The following MAD1L1 variants were observed in gnomAD, a reference collection of about 807,000 sequenced individuals.
MAD1L1 encodes mitotic arrest deficient 1 like 1.
Under a neutral mutation model 96.9 loss-of-function variants are expected in MAD1L1, and 95 were observed. That is an observed-to-expected ratio of 0.98 (90% CI 0.83 to 1.16). The LOEUF is 1.16. Among genes scored for constraint, MAD1L1 ranks in the 50% most tolerant of loss-of-function variants. The pLI is 0.00. For missense variants in MAD1L1, 1,007 were observed against 954.4 expected (o/e 1.06, Z -0.73); for synonymous variants, 473 against 396.6 (o/e 1.19, Z -2.29).
intron 18 of MAD1L1, among the ~76,000 whole-genome samples, chr7:1,821,265 A>G (rs892702884): frequency 9.2e-5 from 14 of 152,270 alleles, no homozygotes; most frequent in African/African-American, 3.1e-4. Context: ...AAGATAAAAT[A>G]GCCTCGGTAG....
intron 10 of MAD1L1, among the ~76,000 whole-genome samples, chr7:2,168,262 G>A (rs1351087765): frequency 6.6e-6 from 1 of 152,000 alleles, no homozygotes; most frequent in East Asian, 1.9e-4. Flanking sequence ...TCCAACCTGG[G>A]TGACAGAGCG....
chr7:2,171,623 A>G (rs1056460683), intron 10 of MAD1L1, among the ~76,000 whole-genome samples: 3 of 152,036 alleles, frequency 2.0e-5, no homozygotes, highest in African/African-American at 7.3e-5. Flanking sequence ...CCACCAGGCA[A>G]AGGACAGCAG....
chr7:2,126,366 G>A (rs746658945), intron 11 of MAD1L1, among the ~76,000 whole-genome samples: 1 of 152,158 alleles, frequency 6.6e-6, no homozygotes, highest in Non-Finnish European at 1.5e-5. Context: ...CAGGCACTCG[G>A]GCATGCACAG....
chr7:2,147,590 G>A (rs560899682), intron 11 of MAD1L1, among the ~76,000 whole-genome samples: 1 of 152,294 alleles, frequency 6.6e-6, no homozygotes, highest in African/African-American at 2.4e-5. Flanking sequence ...ACAGGACGGA[G>A]CACCAAGCGC....
intron 18 of MAD1L1, among the ~76,000 whole-genome samples, chr7:1,872,284 A>G (rs1785151355): frequency 6.6e-6 from 1 of 152,130 alleles, no homozygotes; most frequent in African/African-American, 2.4e-5. Flanking sequence ...GGGCTGCCGC[A>G]CCGTTTCCCA....
chr7:2,007,330 C>T (rs945387054), intron 13 of MAD1L1, among the ~76,000 whole-genome samples: 12 of 152,232 alleles, frequency 7.9e-5, no homozygotes, highest in Admixed American at 2.6e-4. Flanking sequence ...TGCAGTAACG[C>T]GTCACTGGAC....
chr7:1,878,992 T>C (rs887091172), intron 18 of MAD1L1, among the ~76,000 whole-genome samples: 4 of 152,162 alleles, frequency 2.6e-5, no homozygotes, highest in Non-Finnish European at 4.4e-5. Flanking sequence ...AATGAAACAT[T>C]GGAAAATAAA....
At chr7:1,920,252 GTGTGCA>G (rs1273620956) in intron 17 of MAD1L1, among the ~76,000 whole-genome samples, 1 of 152,212 alleles carries the variant, frequency 6.6e-6, no homozygotes, top group African/African-American at 2.4e-5. Flanking sequence ...GCGTGCGTGC[GTGTGCA>G]TGTGCGTGTG....
intron 13 of MAD1L1, among the ~76,000 whole-genome samples, chr7:2,010,814 C>T (rs1390819704): frequency 3.3e-5 from 5 of 152,172 alleles, no homozygotes; most frequent in Non-Finnish European, 5.9e-5. Flanking sequence ...CCCCGAGAGG[C>T]GCCTTCCCCA....
intron 17 of MAD1L1, among the ~76,000 whole-genome samples, chr7:1,931,594 G>A (rs1053271280): frequency 2.0e-5 from 3 of 152,090 alleles, no homozygotes; most frequent in South Asian, 2.1e-4. Context: ...TTGAGCGCTC[G>A]GACGTCCTGC....
At chr7:2,050,332 G>A (rs892445370) in intron 12 of MAD1L1, among the ~76,000 whole-genome samples, 7 of 152,232 alleles carry the variant, frequency 4.6e-5, no homozygotes, top group East Asian at 1.9e-4. Context: ...AACCTCACGC[G>A]CCTGCTGGAA....
intron 16 of MAD1L1, among the ~76,000 whole-genome samples, chr7:1,956,030 C>T (rs1190864801): frequency 2.3e-4 from 35 of 152,010 alleles, no homozygotes; most frequent in Admixed American, 2.3e-3. Context: ...GACAAGCAGG[C>T]ATTGGTGATC....
At chr7:1,960,188 G>T (rs1179855993) in intron 15 of MAD1L1, among the ~76,000 whole-genome samples, 1 of 149,810 alleles carries the variant, frequency 6.7e-6, no homozygotes, top group East Asian at 1.9e-4. Context: ...TAGCTAAGAT[G>T]CCAAAAAAGG....
chr7:1,999,051 CCA>C (rs914786018), intron 14 of MAD1L1, among the ~76,000 whole-genome samples: 1 of 152,298 alleles, frequency 6.6e-6, no homozygotes, highest in Non-Finnish European at 1.5e-5. Context: ...ACCCCACACT[CCA>C]CAGAGTCCCC....
chr7:2,139,939 T>TC (rs377084589), intron 11 of MAD1L1, among the ~76,000 whole-genome samples: 4 of 151,330 alleles, frequency 2.6e-5, no homozygotes, highest in African/African-American at 9.7e-5. Flanking sequence ...AGAGTCTCTT[T>TC]CCCCCCACAG....
At chr7:2,069,925 C>T (rs2128529790) in intron 11 of MAD1L1, among the ~76,000 whole-genome samples, 1 of 152,358 alleles carries the variant, frequency 6.6e-6, no homozygotes, top group South Asian at 2.1e-4. Context: ...CTTTTCCCTG[C>T]ATGGTCCCCA....
chr7:2,164,455 G>A (rs552115819), intron 10 of MAD1L1, among the ~76,000 whole-genome samples: 4 of 152,322 alleles, frequency 2.6e-5, no homozygotes, highest in Admixed American at 6.5e-5. Flanking sequence ...CCCCTGTGAC[G>A]GTTGCTGGTG....
rs532919830 is a variant in MAD1L1, at chr7:1,893,398, ACT to A, written c.1998+4800_1998+4801del. Among the ~76,000 whole-genome samples, 14 of 152,108 alleles carry A rather than the reference ACT, an allele frequency of 9.2e-5. No individual in the cohort carries two copies. In the East Asian group the frequency reaches 2.3e-3, roughly 25 times the overall value. ...CTGGAAACGGCTTCGGCTATTTCTAACTCTGTCTGCAGCCCCCTTTCTGCCTG... is the reference window on the plus strand; with the variant it reads ...CTGGAAACGGCTTCGGCTATTTCTAACTGTCTGCAGCCCCCTTTCTGCCTG... On this transcript the variant is annotated intron_variant, in intron 18 of 18. Transcript: ENST00000265854.
intron 17 of MAD1L1, among the ~76,000 whole-genome samples, chr7:1,916,393 T>C (rs370893776): frequency 1.3e-5 from 2 of 151,986 alleles, no homozygotes; most frequent in East Asian, 1.9e-4. Flanking sequence ...GATGAGTGAA[T>C]TGTGGTCCGT....
Sources: allele counts gnomAD v4.1 joint callset (sites outside exome capture counted in the v4.1 genomes callset), GRCh38; gene constraint gnomAD v4.1.1; transcripts MANE v1.5; gene names NCBI Gene and HGNC (gene_info 2026-07-23, HGNC 2026-07-21).